PLEKHB1: variants seen among roughly 807,000 people sequenced by gnomAD.
PLEKHB1 encodes pleckstrin homology domain-containing family B member 1.
PLEKHB1 carries 29 observed loss-of-function variants against 36.2 expected under a neutral mutation model. The observed-to-expected ratio is 0.80, with a 90% CI of 0.60 to 1.09. The LOEUF is 1.09. Ranked by LOEUF, PLEKHB1 falls within the 50% of genes least tolerant of loss-of-function variation. The pLI is 0.00. For synonymous variants in PLEKHB1, 138 were observed against 140.0 expected, an observed-to-expected ratio of 0.99 and a Z score of 0.10; for missense variants, 330 against 348.2, an observed-to-expected ratio of 0.95 and a Z score of 0.42.
At position 73,648,866 on chromosome 11, in the gene PLEKHB1, TG is replaced by T. The variant is rs35809621; in HGVS notation, c.19-142del. On this transcript the variant is annotated intron_variant, in intron 1 of 7. Transcript: ENST00000354190. ...TCCCATTCTCTTCCTGAGCAGAGAATGGGGAGGAGGCCGAGGCCGCCTGGCC... is the reference window on the plus strand; with the variant it reads ...TCCCATTCTCTTCCTGAGCAGAGAATGGGAGGAGGCCGAGGCCGCCTGGCC... 4.2e-5 allele frequency: 59 copies of T among 1,401,690 alleles called. No homozygotes were observed. The South Asian group carries it at 8.4e-4, about 20-fold the overall frequency. 86.8% of individuals were successfully genotyped at this position (1,401,690 alleles called of 1,614,324 possible).
chr11:73,658,609 CT>C (rs1317643538), intron 6 of PLEKHB1, among the ~76,000 whole-genome samples: 1 of 147,268 alleles, frequency 6.8e-6, no homozygotes, highest in South Asian at 2.4e-4. Flanking sequence ...TTCCTTCTTT[CT>C]TTTTCTTTCT....
At chr11:73,646,956 G>A (rs1177285884) in intron 1 of PLEKHB1, among the ~76,000 whole-genome samples, 1 of 151,978 alleles carries the variant, frequency 6.6e-6, no homozygotes, top group Non-Finnish European at 1.5e-5. Context: ...CAGTCACTGC[G>A]TCCTAACATC....
At position 73,655,892 on chromosome 11, in the gene PLEKHB1, T is replaced by G. The variant is rs1324897996; in HGVS notation, c.480T>G (p.Val160=). ...CCCGCTCGTGGAGCCCCTGTAAGGT[T>G]GAGAGGCGGATCTGGGTAAGTGCTG... ...CVTRSWSPCK[V]ERRIWVRVYS... The change falls in exon 6 of 8, where the codon GTT becomes GTG. Residue 160 remains valine, a synonymous_variant. Transcript: ENST00000354190. 6.2e-7 allele frequency: 1 copy of G among 1,613,742 alleles called. No homozygotes were observed.
At chr11:73,660,646 G>C in intron 6 of PLEKHB1, 107 bp from the exon 7 acceptor site, 1 of 1,051,398 alleles carries the variant, frequency 9.5e-7, no homozygotes, top group South Asian at 1.5e-5. Flanking sequence ...TCTAAACTTG[G>C]GGAGGTGGCT....
At chr11:73,659,265 T>C (rs1463791706) in intron 6 of PLEKHB1, among the ~76,000 whole-genome samples, 1 of 151,966 alleles carries the variant, frequency 6.6e-6, no homozygotes, top group Non-Finnish European at 1.5e-5. Context: ...GCAACAGTTT[T>C]AGCAGATGGA....
At chr11:73,652,144 A>C in intron 4 of PLEKHB1, 1 of 514,978 alleles carries the variant, frequency 1.9e-6, no homozygotes, top group South Asian at 2.2e-5. Flanking sequence ...TGCCTCAGGT[A>C]TCTGGTTCCT....
chr11:73,651,366 AAAAAG>A (rs1944889188), intron 3 of PLEKHB1: 3 of 443,610 alleles, frequency 6.8e-6, no homozygotes, highest in Admixed American at 2.6e-5. Flanking sequence ...AAAAAAAAAA[AAAAAG>A]AAAAAGAAAA....
chr11:73,661,726 C>A lies in PLEKHB1; in HGVS notation c.*124C>A. On this transcript the variant is annotated 3_prime_UTR_variant, in exon 8 of 8. Transcript: ENST00000354190. The surrounding 1 kb of genome is among the most constrained non-coding windows in gnomAD (Gnocchi z 4.6). ...CCCTATCCTCTCCATTAGCTCCTTC[C>A]GGGTTTGGACCATTCCCCCCACTCC... is the stretch of plus-strand genomic sequence containing the variant. The A allele has an allele frequency of 8.0e-7, 1 of 1,246,302 alleles. No homozygotes were observed. Among genetic ancestry groups the A allele is most frequent in the Non-Finnish European group, 1.1e-6 (1 of 913,920 alleles). The allele number at this position is 1,246,302 out of a possible 1,614,324, so 77.2% of individuals were successfully genotyped here.
rs766694487 is a variant in PLEKHB1, at chr11:73,660,905, C to G, written c.595+53C>G. 1.4e-5 allele frequency: 21 copies of G among 1,481,218 alleles called. No individual in the cohort carries two copies. The Admixed American group carries it at 4.1e-4, about 29-fold the overall frequency. 91.8% of individuals were successfully genotyped at this position (1,481,218 alleles called of 1,614,324 possible). A position where few individuals can be genotyped will look rare whatever the true frequency, so the allele number is the denominator to read the frequency against. ...GCCTCGATCCAGCACCGATTCAGCG[C>G]CAGGCCCAGCCCACGGTCCGTAAGT... On this transcript the variant is annotated intron_variant, in intron 7 of 7. Coordinates refer to ENST00000354190, the MANE Select transcript of PLEKHB1 (RefSeq NM_021200.3).
chr11:73,649,663 C>T (rs1253111908), intron 2 of PLEKHB1, among the ~76,000 whole-genome samples: 1 of 152,216 alleles, frequency 6.6e-6, no homozygotes, highest in Non-Finnish European at 1.5e-5. Flanking sequence ...TGCAAAATGT[C>T]AGAAGCTCGG....
At chr11:73,656,910 T>G (rs1945004800) in intron 6 of PLEKHB1, among the ~76,000 whole-genome samples, 1 of 152,180 alleles carries the variant, frequency 6.6e-6, no homozygotes, top group Non-Finnish European at 1.5e-5. Flanking sequence ...CCCAGAACTT[T>G]GGGAGGCTGA....
chr11:73,653,715 T>C lies in PLEKHB1; in HGVS notation c.390+701T>C, dbSNP rs144411650. Among the ~76,000 whole-genome samples the C allele has an allele frequency of 7.4e-3, 1,122 of 152,218 alleles. 9 individuals are homozygous for C. The highest frequency in any genetic ancestry group is 0.017 in the Middle Eastern group (5 of 294). The stretch of plus-strand genomic sequence containing the variant: ...GGCATTCCAGGCAGAGGGATCAGCA[T>C]GTGCCAAGGCTCTGAGAGAGGTTAA... On this transcript the variant is annotated intron_variant, in intron 5 of 7. Coordinates refer to ENST00000354190, the MANE Select transcript of PLEKHB1 (RefSeq NM_021200.3).
intron 6 of PLEKHB1, chr11:73,660,198 A>C (rs1232089855): frequency 6.4e-6 from 1 of 155,266 alleles, no homozygotes; most frequent in Non-Finnish European, 1.4e-5. Context: ...TGTGCCACCT[A>C]GGTTTGTTTG....
At chr11:73,658,833 T>A (rs1457173296) in intron 6 of PLEKHB1, among the ~76,000 whole-genome samples, 1 of 152,172 alleles carries the variant, frequency 6.6e-6, no homozygotes, top group African/African-American at 2.4e-5. Flanking sequence ...CCCAGACTGG[T>A]CTTGAACTCC....
intron 1 of PLEKHB1, among the ~76,000 whole-genome samples, chr11:73,646,973 C>T (rs1359132323): frequency 1.3e-5 from 2 of 152,184 alleles, no homozygotes; most frequent in Non-Finnish European, 2.9e-5. Flanking sequence ...CATCCAAGCT[C>T]TCCGCCTGTC....
Position 73,646,637 on chromosome 11 carries a change from G to T in PLEKHB1, c.18+11G>T. 1 of 1,551,562 alleles carries T rather than the reference G, an allele frequency of 6.4e-7. No homozygotes were observed. Among genetic ancestry groups the T allele is most frequent in the Non-Finnish European group, 8.7e-7 (1 of 1,147,014 alleles). ...AGCCCTGCAGCCCCGGTAAGGAAGAGTTCTCTGGGACAGGAGGAAGGGCCC... is the reference window on the plus strand; with the variant it reads ...AGCCCTGCAGCCCCGGTAAGGAAGATTTCTCTGGGACAGGAGGAAGGGCCC... On this transcript the variant is annotated intron_variant, in intron 1 of 7. Coordinates refer to ENST00000354190, the MANE Select transcript of PLEKHB1 (RefSeq NM_021200.3).
chr11:73,658,811 C>A (rs1472531895), intron 6 of PLEKHB1, among the ~76,000 whole-genome samples: 1 of 152,182 alleles, frequency 6.6e-6, no homozygotes, highest in Non-Finnish European at 1.5e-5. Context: ...GAGACAGGTT[C>A]TTGCCATGTT....
At chr11:73,650,736 G>C in intron 3 of PLEKHB1, 31 bp downstream of exon 3, 1 of 1,566,174 alleles carries the variant, frequency 6.4e-7, no homozygotes, top group Non-Finnish European at 8.7e-7. Context: ...CTGTGGCACC[G>C]TGACTGTGGG....
intron 4 of PLEKHB1, 41 bp downstream of exon 4, chr11:73,651,931 A>G: frequency 1.3e-6 from 2 of 1,574,210 alleles, no homozygotes; most frequent in African/African-American, 1.3e-5. Flanking sequence ...AATCTCGGGG[A>G]AAGTTACCAT....
Sources: allele counts gnomAD v4.1 joint callset (sites outside exome capture counted in the v4.1 genomes callset), GRCh38; gene constraint gnomAD v4.1.1; non-coding constraint Gnocchi (gnomAD v3.1); transcripts MANE v1.5; gene names NCBI Gene and HGNC (gene_info 2026-07-23, HGNC 2026-07-21).